The following SIM2 variants were observed in gnomAD, a reference collection of about 807,000 sequenced individuals.
SIM2 encodes the protein single-minded homolog 2.
Under a neutral mutation model 64.8 loss-of-function variants are expected in SIM2, and 28 were observed. That is an observed-to-expected ratio of 0.43 (90% CI 0.32 to 0.59). The LOEUF (loss-of-function observed/expected upper bound fraction) is 0.59. Among genes scored for constraint, SIM2 ranks in the 20% least tolerant of loss-of-function variants. The pLI, the probability that SIM2 is intolerant of heterozygous loss-of-function variation, is 0.07. For missense variants in SIM2, 847 were observed against 871.4 expected, an observed-to-expected ratio of 0.97 and a Z score of 0.35; for synonymous variants, 408 against 391.1, an observed-to-expected ratio of 1.04 and a Z score of -0.51.
chr21:36,707,300 T>C (rs2088597660), intron 1 of SIM2, among the ~76,000 whole-genome samples: 3 of 152,208 alleles, frequency 2.0e-5, no homozygotes, highest in African/African-American at 7.2e-5. Flanking sequence ...CTAACAGTTG[T>C]AAATGCTGCC....
chr21:36,708,264 C>T lies in SIM2; in HGVS notation c.176-904C>T, dbSNP rs1031114983. On this transcript the variant is annotated intron_variant, in intron 1 of 10. Coordinates refer to ENST00000290399, the MANE Select transcript of SIM2 (RefSeq NM_005069.6). The stretch of plus-strand genomic sequence containing the variant: ...GCAGCCTCGCCCGGCTTTCCTGCTT[C>T]CTCGGACTGTGCAGGGGAAGCCTGG... Among the ~76,000 whole-genome samples, 5 of 152,220 alleles carry T rather than the reference C, an allele frequency of 3.3e-5. No homozygotes were observed. In the East Asian group the frequency reaches 9.6e-4, roughly 29 times the overall value.
chr21:36,726,329 C>G lies in SIM2; in HGVS notation c.743+11C>G. 6.2e-7 allele frequency: 1 copy of G among 1,606,308 alleles called. No individual in the cohort carries two copies. The highest frequency in any genetic ancestry group is 8.5e-7 in the Non-Finnish European group (1 of 1,176,162). ...ATTCCTGGATTCCAGGTGAGTTCGG[C>G]ACCTGCCACAGTGGCTGTGGCCTTC... On this transcript the variant is annotated intron_variant, in intron 6 of 10. Transcript: ENST00000290399. The surrounding 1 kb of genome is among the most constrained non-coding windows in gnomAD (Gnocchi z 4.5).
At chr21:36,739,397 G>A (rs1055813947) in intron 7 of SIM2, among the ~76,000 whole-genome samples, 1 of 152,116 alleles carries the variant, frequency 6.6e-6, no homozygotes, top group Non-Finnish European at 1.5e-5. Context: ...ACACATTTCT[G>A]AATCTTGTCT....
intron 3 of SIM2, among the ~76,000 whole-genome samples, chr21:36,717,000 T>C (rs1042658342): frequency 1.3e-5 from 2 of 152,210 alleles, no homozygotes; most frequent in African/African-American, 4.8e-5. Context: ...ATTTGTTCTG[T>C]AAAGACATTT....
chr21:36,729,157 C>T (rs1321591488), intron 6 of SIM2, among the ~76,000 whole-genome samples: 1 of 152,194 alleles, frequency 6.6e-6, no homozygotes, highest in Non-Finnish European at 1.5e-5. Flanking sequence ...TTCATTTACA[C>T]GTTTGGGGCC....
At chr21:36,734,926 A>G (rs2089022573) in intron 7 of SIM2, among the ~76,000 whole-genome samples, 1 of 151,638 alleles carries the variant, frequency 6.6e-6, no homozygotes, top group African/African-American at 2.4e-5. Flanking sequence ...ATTTCCTGAA[A>G]CTCCAGAAGC....
intron 3 of SIM2, among the ~76,000 whole-genome samples, chr21:36,713,019 G>A (rs1359154579): frequency 6.6e-6 from 1 of 152,210 alleles, no homozygotes; most frequent in Non-Finnish European, 1.5e-5. Context: ...CAAGAGGTAA[G>A]CTGATGTGGA....
At chr21:36,705,006 G>C (rs1020090363) in intron 1 of SIM2, among the ~76,000 whole-genome samples, 2 of 152,214 alleles carry the variant, frequency 1.3e-5, no homozygotes, top group Non-Finnish European at 2.9e-5. Flanking sequence ...GGGAAAGGAG[G>C]CTTAGAGGCT....
intron 6 of SIM2, among the ~76,000 whole-genome samples, chr21:36,729,120 T>C (rs1235720388): frequency 1.3e-5 from 2 of 152,210 alleles, no homozygotes; most frequent in Non-Finnish European, 2.9e-5. Context: ...TGTACTTTGA[T>C]GAGAAACTTA....
chr21:36,714,708 G>A (rs920616660), intron 3 of SIM2, among the ~76,000 whole-genome samples: 2 of 152,120 alleles, frequency 1.3e-5, no homozygotes, highest in South Asian at 2.1e-4. Context: ...CAAGAGATCC[G>A]GTGCATTCAG....
chr21:36,725,595 T>C (rs1040576116), intron 5 of SIM2, among the ~76,000 whole-genome samples: 1 of 152,122 alleles, frequency 6.6e-6, no homozygotes, highest in Non-Finnish European at 1.5e-5. Flanking sequence ...GTACAGTCAA[T>C]TGGATAAGAC....
intron 1 of SIM2, among the ~76,000 whole-genome samples, chr21:36,702,937 A>T: frequency 1.0e-5 from 1 of 99,464 alleles, no homozygotes; most frequent in Non-Finnish European, 1.8e-5. Flanking sequence ...GGACTCTGGG[A>T]GGAAGAAAAA....
intron 3 of SIM2, among the ~76,000 whole-genome samples, chr21:36,713,348 G>C (rs2088701595): frequency 6.6e-6 from 1 of 152,232 alleles, no homozygotes; most frequent in Non-Finnish European, 1.5e-5. Flanking sequence ...CCAAGGGTTT[G>C]ATGGGGGATT....
rs2089310680 is a variant in SIM2, at chr21:36,749,705, G to C, written c.*1613G>C. Reference sequence around the variant, plus strand: ...GGGTATTATTTTTTTATGTTCATGAGTCTTGTAATTAAACCGTGATTCTTG... The same window carrying C: ...GGGTATTATTTTTTTATGTTCATGACTCTTGTAATTAAACCGTGATTCTTG... On this transcript the variant is annotated 3_prime_UTR_variant, in exon 11 of 11. Coordinates refer to ENST00000290399, the MANE Select transcript of SIM2 (RefSeq NM_005069.6). The C allele has an allele frequency of 3.3e-5, 5 of 152,102 alleles. No homozygotes were observed. The highest frequency in any genetic ancestry group is 3.3e-4 in the Admixed American group (5 of 15,280). 9.4% of individuals were successfully genotyped at this position (152,102 alleles called of 1,614,324 possible). A position where few individuals can be genotyped will look rare whatever the true frequency, so the allele number is the denominator to read the frequency against.
At chr21:36,731,227 T>G (rs1350308893) in intron 7 of SIM2, 76 bp downstream of exon 7, 2 of 1,023,408 alleles carry the variant, frequency 2.0e-6, no homozygotes, top group Non-Finnish European at 3.0e-6. Context: ...CCGGGGGACG[T>G]GTCCCTTTTG....
intron 5 of SIM2, among the ~76,000 whole-genome samples, chr21:36,725,404 G>T (rs554829491): frequency 6.6e-6 from 1 of 152,298 alleles, no homozygotes; most frequent in South Asian, 2.1e-4. Flanking sequence ...GAGTGATACA[G>T]ATGCCAAGTT....
intron 3 of SIM2, among the ~76,000 whole-genome samples, chr21:36,713,438 AATGTGGATCATG>A (rs1309527590): frequency 2.0e-5 from 3 of 152,176 alleles, no homozygotes; most frequent in Non-Finnish European, 4.4e-5. Context: ...TGACTTAACA[AATGTGGATCATG>A]ATTTTAAAAG....
intron 7 of SIM2, among the ~76,000 whole-genome samples, chr21:36,737,095 T>G (rs2089072305): frequency 6.6e-6 from 1 of 152,032 alleles, no homozygotes; most frequent in Non-Finnish European, 1.5e-5. Context: ...CCCAGCGAAT[T>G]TTTAAATGTT....
At chr21:36,724,029 G>A (rs547355482) in intron 5 of SIM2, among the ~76,000 whole-genome samples, 11 of 152,318 alleles carry the variant, frequency 7.2e-5, no homozygotes, top group African/African-American at 2.2e-4. Context: ...TCTTCCAGGA[G>A]GATTTGTCTC....
Sources: allele counts gnomAD v4.1 joint callset (sites outside exome capture counted in the v4.1 genomes callset), GRCh38; gene constraint gnomAD v4.1.1; non-coding constraint Gnocchi (gnomAD v3.1); transcripts MANE v1.5; gene names NCBI Gene and HGNC (gene_info 2026-07-23, HGNC 2026-07-21).